The following CIMIP2B variants were observed in gnomAD, a reference collection of about 807,000 sequenced individuals.
The protein encoded by CIMIP2B is family with sequence similarity 166 member B.
At chr9:35,562,620 G>A in the CIMIP2B span, 54 of 1,611,964 alleles carry the variant, frequency 3.3e-5, no homozygotes, top group African/African-American at 9.4e-5. Context: ...GCCTCCCCAC[G>A]CCTCTGATCC....
the CIMIP2B span, chr9:35,563,642 ACC>A: frequency 2.3e-6 from 2 of 864,568 alleles, no homozygotes; most frequent in Non-Finnish European, 3.7e-6. Flanking sequence ...TCCATCCACC[ACC>A]ATAGAGACCT....
chr9:35,562,516 G>A, the CIMIP2B span: 7 of 1,576,438 alleles, frequency 4.4e-6, no homozygotes, highest in African/African-American at 4.0e-5. Flanking sequence ...CCTGGTTGGT[G>A]AGCACAGGAA....
At chr9:35,563,803 G>A in the CIMIP2B span, 2 of 1,614,014 alleles carry the variant, frequency 1.2e-6, no homozygotes, top group Admixed American at 1.7e-5. Context: ...GTTGAGCCCT[G>A]GTATGAAGGT....
chr9:35,561,913 T>TCGG, the CIMIP2B span: 2 of 376,168 alleles, frequency 5.3e-6, no homozygotes, highest in Non-Finnish European at 9.9e-6. Flanking sequence ...CTCTTTGTGT[T>TCGG]CCCCCACCCT....
At chr9:35,562,119 A>G in the CIMIP2B span, 3 of 1,487,460 alleles carry the variant, frequency 2.0e-6, no homozygotes, top group Non-Finnish European at 2.7e-6. Flanking sequence ...AGAGTCTGTC[A>G]CATGTAGCAA....
the CIMIP2B span, chr9:35,562,180 C>T: frequency 1.7e-6 from 2 of 1,150,416 alleles, no homozygotes; most frequent in Non-Finnish European, 2.4e-6. Flanking sequence ...GACCTCCAAA[C>T]AGCCCTCTAA....
the CIMIP2B span, chr9:35,563,332 C>G: frequency 6.2e-7 from 1 of 1,613,946 alleles, no homozygotes; most frequent in South Asian, 1.1e-5. Flanking sequence ...GCTGACCAGT[C>G]ACCTGCCCAT....
At chr9:35,563,474 C>A in the CIMIP2B span, 8 of 1,056,734 alleles carry the variant, frequency 7.6e-6, no homozygotes, top group Non-Finnish European at 9.9e-6. Context: ...AAGCCCTGAT[C>A]TTTCTGGACT....
At chr9:35,563,332 C>T in the CIMIP2B span, 1 of 1,613,946 alleles carries the variant, frequency 6.2e-7, no homozygotes, top group East Asian at 2.2e-5. Context: ...GCTGACCAGT[C>T]ACCTGCCCAT....
chr9:35,562,535 C>T, the CIMIP2B span: 1 of 1,578,506 alleles, frequency 6.3e-7, no homozygotes, highest in Middle Eastern at 1.7e-4. Context: ...AAAGCTGGAG[C>T]CGAAGAGGAA....
the CIMIP2B span, chr9:35,562,321 C>T: frequency 1.5e-6 from 2 of 1,345,436 alleles, no homozygotes; most frequent in South Asian, 3.1e-5. Context: ...CCCAACCCAC[C>T]CCATACCCAT....
chr9:35,562,507 CTGGT>C, the CIMIP2B span: 1 of 1,577,060 alleles, frequency 6.3e-7, no homozygotes, highest in Non-Finnish European at 8.6e-7. Flanking sequence ...CCTGCAGTGC[CTGGT>C]TGGTGAGCAC....
the CIMIP2B span, chr9:35,562,213 G>C: frequency 9.9e-7 from 1 of 1,005,636 alleles, no homozygotes; most frequent in Non-Finnish European, 1.4e-6. Context: ...ATTCCCCACT[G>C]TGGGTAGCTA....
chr9:35,562,338 AAAC>A, the CIMIP2B span: 26 of 1,408,660 alleles, frequency 1.8e-5, no homozygotes, highest in Non-Finnish European at 2.3e-5. Context: ...CCATACAAAC[AAAC>A]ATTCCAGTCC....
At chr9:35,562,716 C>G in the CIMIP2B span, 3 of 1,613,476 alleles carry the variant, frequency 1.9e-6, no homozygotes, top group Non-Finnish European at 2.5e-6. Flanking sequence ...AGAGAAGCCC[C>G]TGTGCTGTCA....
chr9:35,563,169 T>C, the CIMIP2B span: 3 of 1,613,680 alleles, frequency 1.9e-6, no homozygotes, highest in Non-Finnish European at 2.5e-6. Flanking sequence ...TACAAACCTG[T>C]GTACCCAGGG....
the CIMIP2B span, chr9:35,562,655 T>A: frequency 1.6e-5 from 26 of 1,613,418 alleles, no homozygotes; most frequent in Admixed American, 8.3e-5. Flanking sequence ...TCACCTGACA[T>A]GAAGAACTTC....
At chr9:35,563,871 T>C in the CIMIP2B span, 1 of 1,574,410 alleles carries the variant, frequency 6.4e-7, no homozygotes, top group African/African-American at 1.3e-5. Context: ...GAGCCAAGGC[T>C]CTGGTCTGTG....
At chr9:35,562,352 C>T in the CIMIP2B span, 3 of 1,432,642 alleles carry the variant, frequency 2.1e-6, no homozygotes, top group Non-Finnish European at 2.8e-6. Flanking sequence ...ATTCCAGTCC[C>T]CAAAGCCTCC....
Sources: allele counts gnomAD v4.1 joint callset, GRCh38; gene constraint gnomAD v4.1.1; transcripts MANE v1.5; gene names NCBI Gene and HGNC (gene_info 2026-07-23, HGNC 2026-07-21).